Variants in ABCA4 observed in about 807,000 individuals in gnomAD.
The protein encoded by ABCA4 is retinal-specific phospholipid-transporting ATPase ABCA4.
A neutral mutation model predicts 263.7 loss-of-function variants in ABCA4; 196 were observed. That is an observed-to-expected ratio of 0.74 (90% confidence interval 0.66 to 0.84). The LOEUF is 0.84. ABCA4 is among the 40% of genes least tolerant of loss of function. The pLI, the probability that ABCA4 is intolerant of heterozygous loss-of-function variation, is 0.00. For synonymous variants in ABCA4, 1,133 were observed against 1,094.2 expected (o/e 1.04, Z -0.70); for missense variants, 2,792 against 2,855.1 (o/e 0.98, Z 0.50).
rs757421299 is a variant in ABCA4, at chr1:94,041,222, C to G, written c.3509G>C (p.Arg1170Thr). ...GCAGACACCTACCTCACTGCCTTTC[C>G]TTTGGCTCTGGATGTTTTTCATCTT... ...VRKMKNIQSQRKGSEGTCSCS... is the reference protein window; with the variant it reads ...VRKMKNIQSQTKGSEGTCSCS... The change falls in exon 23 of 50, where the codon AGG becomes ACG. Residue 1170 changes from arginine (R) to threonine (T), a missense_variant. By Grantham distance (71) the Arg-to-Thr change is moderately conservative. Transcript: ENST00000370225. The G allele has an allele frequency of 3.7e-6, 6 of 1,614,048 alleles. No individual in the cohort carries two copies. Among genetic ancestry groups the G allele is most frequent in the Non-Finnish European group, 4.2e-6 (5 of 1,180,044 alleles).
Position 94,041,319 on chromosome 1 carries a change from G to A in ABCA4, c.3412C>T (p.Leu1138Phe). ...DRIAIIAQGR[L>F]YCSGTPLFLK... is the part of the protein sequence containing the mutation. Reference sequence around the variant, plus strand: ...AAGAGTGGGGTGCCTGAGCAGTAGAGCCTTCCCTGGGCAATGATGGCAATG... The same window carrying A: ...AAGAGTGGGGTGCCTGAGCAGTAGAACCTTCCCTGGGCAATGATGGCAATG... Residue 1138 changes from leucine (L) to phenylalanine (F), a missense_variant, in exon 23 of 50, where the codon CTC becomes TTC. Leu to Phe is a conservative substitution (Grantham distance 22). Transcript: ENST00000370225. The A allele has an allele frequency of 1.2e-6, 2 of 1,614,122 alleles. No individual in the cohort carries two copies. The highest frequency in any genetic ancestry group is 3.3e-5 in the Admixed American group (2 of 60,030).
At chr1:94,017,769 T>G (rs2101018117) in intron 36 of ABCA4, among the ~76,000 whole-genome samples, 1 of 152,272 alleles carries the variant, frequency 6.6e-6, no homozygotes, top group East Asian at 1.9e-4. Flanking sequence ...AAGGGGCATC[T>G]TGCTGAGAAG....
chr1:94,044,804 G>A, intron 19 of ABCA4, 60 bp from the exon 20 acceptor site: 3 of 1,612,586 alleles, frequency 1.9e-6, no homozygotes, highest in East Asian at 2.2e-5. Context: ...CCTTAGGAGG[G>A]CCACCCCCAC....
At chr1:94,003,591 C>T (rs914563704) in intron 44 of ABCA4, among the ~76,000 whole-genome samples, 1 of 151,992 alleles carries the variant, frequency 6.6e-6, no homozygotes. Context: ...CCCATGTAAC[C>T]AATAAGCAAT....
Position 94,029,521 on chromosome 1 carries a change from C to A in ABCA4, c.4463G>T (p.Cys1488Phe), listed in dbSNP as rs61750147. 1.8e-5 allele frequency: 29 copies of A among 1,608,892 alleles called. No individual in the cohort carries two copies. Among genetic ancestry groups the A allele is most frequent in the Non-Finnish European group, 2.5e-5 (29 of 1,177,484 alleles). The change falls in exon 30 of 50, where the codon TGC becomes TTC. Residue 1488 changes from cysteine (C) to phenylalanine (F), a missense_variant. Transcript: ENST00000370225. ...GAGCTTCTCCCTGGTGCTGCACCTG[C>A]AGGATGGTGAAGGGTTGACCTGTGT... The part of the protein sequence containing the change: ...KWTQVNPSPS[C>F]RCSTREKLTM...
At chr1:94,034,758 C>A (rs1479454705) in intron 26 of ABCA4, among the ~76,000 whole-genome samples, 3 of 151,864 alleles carry the variant, frequency 2.0e-5, no homozygotes, top group African/African-American at 7.3e-5. Context: ...AGACCCCTGC[C>A]CTGCCTGCTT....
At chr1:93,997,432 A>AT (rs112489936) in intron 48 of ABCA4, among the ~76,000 whole-genome samples, 19,685 of 132,078 alleles carry the variant, frequency 0.15, 1,994 homozygotes, top group African/African-American at 0.31. Context: ...TAATTTTCTG[A>AT]TTTTTTTTTT....
intron 43 of ABCA4, among the ~76,000 whole-genome samples, chr1:94,007,316 T>C (rs992654034): frequency 3.9e-5 from 6 of 152,154 alleles, no homozygotes; most frequent in African/African-American, 1.4e-4. Flanking sequence ...TTTATAGGAA[T>C]AGGCTACAAA....
rs373023236 is a variant in ABCA4, at chr1:94,021,914, C to G, written c.4705G>C (p.Val1569Leu). ...GISIGGKLPV[V>L]PITGEALVGF... The stretch of plus-strand genomic sequence containing the variant: ...ACAAGTGCTTCCCCCGTGATGGGGA[C>G]GACTGGGAGCTTTCCTCCAATGGAA... The change falls in exon 33 of 50, where the codon GTC becomes CTC. Residue 1569 changes from valine (V) to leucine (L), a missense_variant. Physicochemically the swap from Val to Leu is conservative, Grantham distance 32 (BLOSUM62 1). Transcript: ENST00000370225. The G allele has an allele frequency of 1.2e-6, 2 of 1,614,060 alleles. No individual in the cohort carries two copies. The highest frequency in any genetic ancestry group is 2.7e-5 in the African/African-American group (2 of 74,914).
intron 7 of ABCA4, among the ~76,000 whole-genome samples, chr1:94,082,691 T>G (rs1287289326): frequency 1.3e-5 from 2 of 152,250 alleles, no homozygotes; most frequent in Non-Finnish European, 2.9e-5. Context: ...TTTCCCTCCC[T>G]TTCGTAACAC....
intron 47 of ABCA4, among the ~76,000 whole-genome samples, chr1:93,999,639 T>C (rs1353794802): frequency 1.3e-5 from 2 of 152,184 alleles, no homozygotes; most frequent in Non-Finnish European, 1.5e-5. Context: ...CCTGGTATCC[T>C]GTGTCAGTCA....
chr1:94,079,257 A>ACC, intron 9 of ABCA4, 65 bp downstream of exon 9: 1 of 1,597,920 alleles, frequency 6.3e-7, no homozygotes, highest in South Asian at 1.1e-5. Context: ...TCTCACACAC[A>ACC]CACACACACA....
intron 38 of ABCA4, among the ~76,000 whole-genome samples, chr1:94,012,032 A>G (rs2101009599): frequency 6.6e-6 from 1 of 152,290 alleles, no homozygotes; most frequent in South Asian, 2.1e-4. Flanking sequence ...CTTGTTTTCA[A>G]GTGGTCGGAC....
chr1:94,115,073 C>T (rs1662721626), intron 1 of ABCA4, among the ~76,000 whole-genome samples: 1 of 152,192 alleles, frequency 6.6e-6, no homozygotes, highest in East Asian at 1.9e-4. Context: ...AAACAGCCTC[C>T]CCCAGGGTCA....
chr1:94,081,629 T>C (rs1415173607), intron 7 of ABCA4, among the ~76,000 whole-genome samples: 1 of 152,196 alleles, frequency 6.6e-6, no homozygotes, highest in East Asian at 1.9e-4. Context: ...CCTGTGTGTG[T>C]CTGTGTGTGC....
At chr1:94,004,906 C>T (rs1002263486) in intron 44 of ABCA4, among the ~76,000 whole-genome samples, 9 of 152,158 alleles carry the variant, frequency 5.9e-5, no homozygotes, top group Admixed American at 5.2e-4. Flanking sequence ...TACAAAGTAG[C>T]GTTCTCTATG....
At chr1:94,096,223 C>T (rs932423832) in intron 6 of ABCA4, among the ~76,000 whole-genome samples, 5 of 152,158 alleles carry the variant, frequency 3.3e-5, no homozygotes, top group Admixed American at 3.3e-4. Context: ...AAGGCTGCAC[C>T]CTAGGCCAGC....
chr1:94,002,029 A>T (rs1348185256), intron 44 of ABCA4, 37 bp from the exon 45 acceptor site: 2 of 1,613,884 alleles, frequency 1.2e-6, no homozygotes, highest in Non-Finnish European at 1.7e-6. Context: ...GGAGAAGACA[A>T]GCAAACACCC....
intron 7 of ABCA4, among the ~76,000 whole-genome samples, chr1:94,081,326 G>A (rs1661696585): frequency 6.6e-6 from 1 of 152,178 alleles, no homozygotes; most frequent in Admixed American, 6.5e-5. Context: ...CGTTGGGAAT[G>A]TGTCCTTGGG....
Sources: gnomAD v4.1 joint callset for allele counts (sites outside exome capture counted in the v4.1 genomes callset) on GRCh38, gnomAD v4.1.1 for gene constraint, MANE v1.5 for transcripts, NCBI Gene and HGNC (gene_info 2026-07-23, HGNC 2026-07-21) for gene names.